CCBE1: variants seen among roughly 807,000 people sequenced by gnomAD.
CCBE1 encodes the protein collagen and calcium binding EGF domains 1.
A neutral mutation model predicts 50.0 loss-of-function variants in CCBE1; 37 were observed. That is an observed-to-expected ratio of 0.74 (90% confidence interval 0.57 to 0.97). The LOEUF is 0.97. Ranked by LOEUF, CCBE1 falls within the 50% of genes least tolerant of loss-of-function variation. The pLI, the probability that CCBE1 is intolerant of heterozygous loss-of-function variation, is 0.00. For synonymous variants in CCBE1, 234 were observed against 203.7 expected (o/e 1.15, Z -1.27); for missense variants, 538 against 523.8 (o/e 1.03, Z -0.26).
intron 2 of CCBE1, among the ~76,000 whole-genome samples, chr18:59,523,792 G>C (rs1914704416): frequency 6.6e-6 from 1 of 152,172 alleles, no homozygotes; most frequent in African/African-American, 2.4e-5. Context: ...TAAAGTTTCA[G>C]ATCCTGCATC....
intron 7 of CCBE1, among the ~76,000 whole-genome samples, chr18:59,443,618 C>G (rs1461250147): frequency 6.9e-6 from 1 of 144,636 alleles, no homozygotes; most frequent in Middle Eastern, 3.5e-3. Flanking sequence ...AGGTGCCCAC[C>G]ACCACCCCCG....
chr18:59,551,863 T>C (rs144133919), intron 2 of CCBE1, among the ~76,000 whole-genome samples: 14 of 152,354 alleles, frequency 9.2e-5, no homozygotes, highest in African/African-American at 3.4e-4. Context: ...GCTCAGTTTC[T>C]TCGTCTGCAA....
At chr18:59,561,419 G>A (rs1039669091) in intron 2 of CCBE1, among the ~76,000 whole-genome samples, 13 of 152,166 alleles carry the variant, frequency 8.5e-5, no homozygotes, top group African/African-American at 3.1e-4. Flanking sequence ...TAAGTTACAT[G>A]GACGTGCTTT....
intron 2 of CCBE1, among the ~76,000 whole-genome samples, chr18:59,576,107 T>G (rs1222196638): frequency 6.6e-6 from 1 of 152,204 alleles, no homozygotes; most frequent in Non-Finnish European, 1.5e-5. Flanking sequence ...CATTCATGAG[T>G]GTATGTTCCT....
intron 2 of CCBE1, among the ~76,000 whole-genome samples, chr18:59,628,997 G>C (rs187042105): frequency 3.3e-5 from 5 of 152,112 alleles, no homozygotes; most frequent in Non-Finnish European, 7.3e-5. Flanking sequence ...AGCCTCCTAA[G>C]GGATCCCATT....
intron 2 of CCBE1, among the ~76,000 whole-genome samples, chr18:59,652,481 C>CCT (rs761840765): frequency 4.0e-5 from 6 of 150,106 alleles, no homozygotes; most frequent in Non-Finnish European, 5.9e-5. Context: ...GACTCCCCCC[C>CCT]TTTTTTTTTA....
At position 59,433,063 on chromosome 18, in the gene CCBE1, C is replaced by T. The variant is rs185632151; in HGVS notation, c.*2845G>A. 4.6e-5 allele frequency: 7 copies of T among 152,116 alleles called. No homozygotes were observed. The highest frequency in any genetic ancestry group is 4.6e-4 in the Admixed American group (7 of 15,296). The allele number at this position is 152,116 out of a possible 1,614,324, so 9.4% of individuals were successfully genotyped here. On this transcript the variant is annotated 3_prime_UTR_variant, in exon 11 of 11. Transcript: ENST00000439986. Reference sequence around the variant, plus strand: ...GAATCAACAGCTGTTCAGTTCCTCTCTCTATAAACCCGTGGTTGGTGTGGC... The same window carrying T: ...GAATCAACAGCTGTTCAGTTCCTCTTTCTATAAACCCGTGGTTGGTGTGGC...
chr18:59,437,964 C>G (rs1479267905), intron 10 of CCBE1, 147 bp downstream of exon 10: 1 of 665,110 alleles, frequency 1.5e-6, no homozygotes, highest in Non-Finnish European at 2.6e-6. Flanking sequence ...TTCTATGACT[C>G]TCTTCCTAAC....
intron 2 of CCBE1, among the ~76,000 whole-genome samples, chr18:59,491,060 T>C (rs67987541): frequency 0.021 from 3,274 of 152,336 alleles, 139 homozygotes; most frequent in East Asian, 0.2. Flanking sequence ...CCCAAAGACC[T>C]GGGCATTTAT....
At chr18:59,596,780 G>A (rs2053357185) in intron 2 of CCBE1, among the ~76,000 whole-genome samples, 1 of 152,210 alleles carries the variant, frequency 6.6e-6, no homozygotes, top group African/African-American at 2.4e-5. Flanking sequence ...TGTTGAGAGG[G>A]CCACAGGTGT....
At chr18:59,621,913 T>C (rs985964275) in intron 2 of CCBE1, among the ~76,000 whole-genome samples, 4 of 152,158 alleles carry the variant, frequency 2.6e-5, no homozygotes, top group Admixed American at 1.3e-4. Context: ...ACAGATGTCA[T>C]CCTTGGTGAC....
intron 2 of CCBE1, among the ~76,000 whole-genome samples, chr18:59,639,341 A>G (rs1445173169): frequency 1.3e-5 from 2 of 152,212 alleles, no homozygotes; most frequent in African/African-American, 2.4e-5. Flanking sequence ...ATGATTCAAC[A>G]TATGTTAATC....
chr18:59,520,335 T>A (rs1380058389), intron 2 of CCBE1, among the ~76,000 whole-genome samples: 1 of 152,144 alleles, frequency 6.6e-6, no homozygotes, highest in Non-Finnish European at 1.5e-5. Context: ...TTGTTTGTGT[T>A]CTTATTTCCT....
chr18:59,533,436 G>C (rs1915126151), intron 2 of CCBE1, among the ~76,000 whole-genome samples: 1 of 152,092 alleles, frequency 6.6e-6, no homozygotes, highest in Admixed American at 6.5e-5. Context: ...AGATTATAAA[G>C]AGAACACTTT....
intron 2 of CCBE1, among the ~76,000 whole-genome samples, chr18:59,490,181 C>T (rs1259738720): frequency 2.6e-5 from 4 of 151,448 alleles, no homozygotes; most frequent in East Asian, 2.0e-4. Flanking sequence ...GACGGGGTTT[C>T]GCCATGTTGG....
At chr18:59,600,984 G>C (rs954468691) in intron 2 of CCBE1, among the ~76,000 whole-genome samples, 1 of 139,864 alleles carries the variant, frequency 7.1e-6, no homozygotes, top group African/African-American at 2.6e-5. Flanking sequence ...CTATGGATAG[G>C]GATCTATTTT....
rs556046734 is a variant in CCBE1, at chr18:59,451,995, C to G, written c.654+2856G>C. 2.6e-5 allele frequency among the ~76,000 whole-genome samples: 4 copies of G among 152,272 alleles called. 1 individual carries two copies. In the South Asian group the frequency reaches 8.3e-4, roughly 32 times the overall value. ...TTTTAAAAAATAATGTATTACCCAC[C>G]TGTGCATGCCTAGATATTATGGTTT... is the stretch of plus-strand genomic sequence containing the variant. On this transcript the variant is annotated intron_variant, in intron 6 of 10. Coordinates refer to ENST00000439986, the MANE Select transcript of CCBE1 (RefSeq NM_133459.4).
intron 7 of CCBE1, among the ~76,000 whole-genome samples, chr18:59,446,857 A>T (rs1910693833): frequency 6.6e-6 from 1 of 152,150 alleles, no homozygotes; most frequent in South Asian, 2.1e-4. Flanking sequence ...TGGTCTTCCC[A>T]ATTAGGATGT....
At chr18:59,442,184 A>T (rs1020086953) in intron 7 of CCBE1, among the ~76,000 whole-genome samples, 1 of 152,214 alleles carries the variant, frequency 6.6e-6, no homozygotes, top group Non-Finnish European at 1.5e-5. Flanking sequence ...AGACAGGCAC[A>T]AAAACAGATG....
Sources: gnomAD v4.1 joint callset for allele counts (sites outside exome capture counted in the v4.1 genomes callset) on GRCh38, gnomAD v4.1.1 for gene constraint, MANE v1.5 for transcripts, NCBI Gene and HGNC (gene_info 2026-07-23, HGNC 2026-07-21) for gene names.